Variants in CTXN2 observed in about 807,000 individuals in gnomAD.
CTXN2 encodes the protein cortexin-2.
In CTXN2, 3 loss-of-function variants were observed where a neutral mutation model predicts 5.7. That is an observed-to-expected ratio of 0.53 (90% CI 0.24 to 1.36). The LOEUF is 1.36. CTXN2 is among the 40% of genes most tolerant of loss of function. The pLI is 0.17. For synonymous variants in CTXN2, 38 were observed against 36.4 expected (o/e 1.04, Z -0.16); for missense variants, 87 against 93.0 (o/e 0.94, Z 0.26).
intron 1 of CTXN2, among the ~76,000 whole-genome samples, chr15:48,200,991 T>G (rs2040923565): frequency 6.6e-6 from 1 of 152,166 alleles, no homozygotes; most frequent in South Asian, 2.1e-4. Flanking sequence ...AATTTGAATA[T>G]TCACCTTCAT....
intron 1 of CTXN2, among the ~76,000 whole-genome samples, chr15:48,185,049 A>G (rs941836407): frequency 6.6e-6 from 1 of 152,190 alleles, no homozygotes; most frequent in Non-Finnish European, 1.5e-5. Flanking sequence ...CCAGTTTGAA[A>G]GGGCAACAGA....
intron 1 of CTXN2, among the ~76,000 whole-genome samples, chr15:48,198,752 A>G (rs1449413093): frequency 6.6e-6 from 1 of 152,220 alleles, no homozygotes; most frequent in Non-Finnish European, 1.5e-5. Flanking sequence ...AAGAGCCAAC[A>G]GACTTCACTC....
chr15:48,197,578 A>G (rs1339890561), intron 1 of CTXN2, among the ~76,000 whole-genome samples: 1 of 152,072 alleles, frequency 6.6e-6, no homozygotes, highest in Non-Finnish European at 1.5e-5. Context: ...TACTCAATAT[A>G]CATTTGGTTA....
At chr15:48,193,913 A>T (rs2040851602) in intron 1 of CTXN2, among the ~76,000 whole-genome samples, 1 of 152,096 alleles carries the variant, frequency 6.6e-6, no homozygotes. Context: ...AATTGTTTGA[A>T]AAATTTAGGC....
In CTXN2 at chr15:48,201,671, T is replaced by A; in HGVS notation, c.*125T>A. The A allele has an allele frequency of 1.1e-6, 1 of 894,802 alleles. No individual in the cohort carries two copies. The highest frequency in any genetic ancestry group is 1.8e-5 in the South Asian group (1 of 56,030). The allele number at this position is 894,802 out of a possible 1,614,324, so 55.4% of individuals were successfully genotyped here. On this transcript the variant is annotated 3_prime_UTR_variant, in exon 2 of 2. Coordinates refer to ENST00000417307, the MANE Select transcript of CTXN2 (RefSeq NM_001145668.2). ...AGTGAATTCAATAAACATCTGTGACTAATTTCTTCACCATGCTGTGTAAAT... is the reference window on the plus strand; with the variant it reads ...AGTGAATTCAATAAACATCTGTGACAAATTTCTTCACCATGCTGTGTAAAT...
At chr15:48,185,304 A>T (rs2040738519) in intron 1 of CTXN2, among the ~76,000 whole-genome samples, 1 of 152,190 alleles carries the variant, frequency 6.6e-6, no homozygotes, top group Non-Finnish European at 1.5e-5. Context: ...TAATAATGTA[A>T]CAAAATTGTT....
rs1281651271 is a variant in CTXN2, at chr15:48,201,307, A to G, written c.7A>G (p.Ser3Gly). Residue 3 changes from serine (S) to glycine (G), a missense_variant, in exon 2 of 2, where the codon AGT becomes GGT. Physicochemically the swap from Ser to Gly is moderately conservative, Grantham distance 56 (BLOSUM62 0). Coordinates refer to ENST00000417307, the MANE Select transcript of CTXN2 (RefSeq NM_001145668.2). MS[S>G]TYCGNSSAKM... ...AACAATGTGCCAGTGAATAATGAGT[A>G]GTACCTACTGTGGCAACTCTTCAGC... 1 of 1,551,134 alleles carries G rather than the reference A, an allele frequency of 6.4e-7. No homozygotes were observed. Among genetic ancestry groups the G allele is most frequent in the African/African-American group, 1.4e-5 (1 of 73,032 alleles).
intron 1 of CTXN2, among the ~76,000 whole-genome samples, chr15:48,193,808 C>A (rs541200421): frequency 3.8e-4 from 58 of 152,198 alleles, no homozygotes; most frequent in African/African-American, 1.3e-3. Flanking sequence ...CAGGACTTGG[C>A]ACACTTAACA....
In CTXN2 at chr15:48,203,051, A is replaced by G. The variant is rs1347458291; in HGVS notation, c.*1505A>G. The G allele has an allele frequency of 1.2e-5, 2 of 167,006 alleles. No individual in the cohort carries two copies. Among genetic ancestry groups the G allele is most frequent in the Non-Finnish European group, 1.5e-5 (1 of 68,112 alleles). The allele number at this position is 167,006 out of a possible 1,614,324, so 10.3% of individuals were successfully genotyped here. A position where few individuals can be genotyped will look rare whatever the true frequency, so the allele number is the denominator to read the frequency against. On this transcript the variant is annotated 3_prime_UTR_variant, in exon 2 of 2. Coordinates refer to ENST00000417307, the MANE Select transcript of CTXN2 (RefSeq NM_001145668.2). Reference sequence around the variant, plus strand: ...AGTTGGAGACTACTATTTCCATTTTATTTTTAATCTTAATTTTGCAGAAGA... The same window carrying G: ...AGTTGGAGACTACTATTTCCATTTTGTTTTTAATCTTAATTTTGCAGAAGA...
chr15:48,181,339 C>G (rs1597377631), intron 1 of CTXN2, among the ~76,000 whole-genome samples: 1 of 152,184 alleles, frequency 6.6e-6, no homozygotes, highest in Admixed American at 6.5e-5. Flanking sequence ...AAGATGGCTG[C>G]TGGAGATCGA....
intron 1 of CTXN2, among the ~76,000 whole-genome samples, chr15:48,180,572 C>T (rs554641944): frequency 2.6e-5 from 4 of 152,248 alleles, no homozygotes; most frequent in Admixed American, 6.5e-5. Flanking sequence ...AGTGCAGTGG[C>T]GCCATCTCTG....
At chr15:48,190,611 T>C (rs953536542), upstream of CTXN2, among the ~76,000 whole-genome samples, 1 of 152,046 alleles carries the variant, frequency 6.6e-6, no homozygotes, top group Non-Finnish European at 1.5e-5. Flanking sequence ...TTCAAAGTAT[T>C]TTCTTTAGAT....
chr15:48,188,455 A>G (rs1357453133), upstream of CTXN2, among the ~76,000 whole-genome samples: 2 of 152,200 alleles, frequency 1.3e-5, no homozygotes, highest in Non-Finnish European at 2.9e-5. Context: ...TTTTGGGGAT[A>G]TATCTATGAA....
Position 48,191,703 on chromosome 15 carries a change from AGGAAAGCGCTAAC to A in CTXN2, c.-207_-195del, listed in dbSNP as rs1567292806. The stretch of plus-strand genomic sequence containing the variant: ...ACACAGACATTTACACTTCTAGGCC[AGGAAAGCGCTAAC>A]CAGGGCCCTGTGACTCTACGCAGGT... On this transcript the variant is annotated 5_prime_UTR_variant, in exon 1 of 2. Coordinates refer to ENST00000417307, the MANE Select transcript of CTXN2 (RefSeq NM_001145668.2). 3 of 456,050 alleles carry A rather than the reference AGGAAAGCGCTAAC, an allele frequency of 6.6e-6. No individual in the cohort carries two copies. The highest frequency in any genetic ancestry group is 6.5e-4 in the Middle Eastern group (2 of 3,070). The allele number at this position is 456,050 out of a possible 1,614,324, so 28.3% of individuals were successfully genotyped here. A position where few individuals can be genotyped will look rare whatever the true frequency, so the allele number is the denominator to read the frequency against.
At chr15:48,191,025 C>T (rs1365932382), upstream of CTXN2, 1 of 152,290 alleles carries the variant, frequency 6.6e-6, no homozygotes, top group African/African-American at 2.4e-5. Flanking sequence ...CACCACGCAC[C>T]ATTTCAGCAC....
chr15:48,185,472 A>G (rs750303947), intron 1 of CTXN2, among the ~76,000 whole-genome samples: 2 of 152,188 alleles, frequency 1.3e-5, no homozygotes, highest in Non-Finnish European at 2.9e-5. Context: ...TTCAATAACA[A>G]AAATAACTGG....
chr15:48,187,579 T>G (rs1235495986), upstream of CTXN2, among the ~76,000 whole-genome samples: 1 of 152,198 alleles, frequency 6.6e-6, no homozygotes, highest in Non-Finnish European at 1.5e-5. Context: ...TGATCTCACT[T>G]TGCAAAAGTT....
rs1383655980 is a variant in CTXN2, at chr15:48,181,469, G to A, written c.-455+3069G>A. ...TAGTCACATGACACACTCATCTGTGGGGGAGGTTGGCAAATAATTTGGGGG... is the reference window on the plus strand; with the variant it reads ...TAGTCACATGACACACTCATCTGTGAGGGAGGTTGGCAAATAATTTGGGGG... On this transcript the variant is annotated intron_variant, in intron 1 of 2. Coordinates refer to the CTXN2 transcript ENST00000644354. Among the ~76,000 whole-genome samples, 6 of 152,310 alleles carry A rather than the reference G, an allele frequency of 3.9e-5. No individual in the cohort carries two copies. In the East Asian group the frequency reaches 1.2e-3, roughly 29 times the overall value.
At chr15:48,194,073 G>C (rs184884881) in intron 1 of CTXN2, among the ~76,000 whole-genome samples, 6 of 152,124 alleles carry the variant, frequency 3.9e-5, no homozygotes, top group Non-Finnish European at 8.8e-5. Flanking sequence ...TTTTTAATCA[G>C]CCTTTGAATA....
Sources: allele counts gnomAD v4.1 joint callset (sites outside exome capture counted in the v4.1 genomes callset), GRCh38; gene constraint gnomAD v4.1.1; transcripts MANE v1.5; gene names NCBI Gene and HGNC (gene_info 2026-07-23, HGNC 2026-07-21).